WDR86: variants seen among roughly 807,000 people sequenced by gnomAD.
WDR86 encodes WD repeat-containing protein 86.
WDR86 carries 30 observed loss-of-function variants against 36.5 expected under a neutral mutation model. The ratio of observed to expected loss-of-function variants is 0.82; its 90% CI spans 0.61 to 1.11. The LOEUF (loss-of-function observed/expected upper bound fraction) is 1.11, where lower values mean the gene tolerates loss of function less well. WDR86 is among the 50% of genes most tolerant of loss of function. The pLI, the probability that WDR86 is intolerant of heterozygous loss-of-function variation, is 0.00. For synonymous variants in WDR86, 255 were observed against 252.9 expected, an observed-to-expected ratio of 1.01 and a Z score of -0.08; for missense variants, 545 against 561.2, an observed-to-expected ratio of 0.97 and a Z score of 0.29.
At chr7:151,375,942 G>A (rs376679280) in exon 2 of WDR86, 23 of 1,604,456 alleles carry the variant, frequency 1.4e-5, no homozygotes, top group South Asian at 7.7e-5. Context: ...AACATTGACC[G>A]AGTGAGTGAC....
rs59360596 is a variant in WDR86 at position 151,381,201 on chromosome 7, G to A, written c.*381C>T. ...CGATTTGCCAAAATAACCAGGTTCA[G>A]TGGCTTCTGTAAAAAGTCACTTCCT... On this transcript the variant is annotated 3_prime_UTR_variant, in exon 6 of 6. Coordinates refer to ENST00000334493, the MANE Select transcript of WDR86 (RefSeq NM_198285.3). This position sits in a 1 kb window ranked among gnomAD's most constrained non-coding sequence, Gnocchi z 4.8. 14 of 1,264,222 alleles carry A rather than the reference G, an allele frequency of 1.1e-5. No individual in the cohort carries two copies. The highest frequency in any genetic ancestry group is 1.2e-5 in the Non-Finnish European group (12 of 1,008,376). The allele number at this position is 1,264,222 out of a possible 1,614,324, so 78.3% of individuals were successfully genotyped here. A position where few individuals can be genotyped will look rare whatever the true frequency, so the allele number is the denominator to read the frequency against.
chr7:151,387,071 C>T (rs1161308242), intron 3 of WDR86, among the ~76,000 whole-genome samples: 1 of 152,218 alleles, frequency 6.6e-6, no homozygotes, highest in African/African-American at 2.4e-5. Context: ...ACATGGTCAG[C>T]TCCAGAGCCA....
At chr7:151,376,841 G>A, downstream of WDR86, 1 of 1,550,680 alleles carries the variant, frequency 6.4e-7, no homozygotes, top group Non-Finnish European at 8.7e-7. Flanking sequence ...GGGCCGCATT[G>A]AGAGCAAAGT....
chr7:151,404,228 T>TA (rs148524576), intron 1 of WDR86, among the ~76,000 whole-genome samples: 20,488 of 149,972 alleles, frequency 0.14, 1,494 homozygotes, highest in Non-Finnish European at 0.17. Flanking sequence ...AAGGAAGGTT[T>TA]AAAAAAAAAA....
intron 1 of WDR86, chr7:151,408,649 C>A (rs900362030): frequency 6.7e-6 from 2 of 300,656 alleles, no homozygotes; most frequent in Admixed American, 3.9e-5. Context: ...CAGCAGAAAG[C>A]CTCGCGGCTC....
rs562330469 is a variant in WDR86 at position 151,406,682 on chromosome 7, G to A, written c.163+2745C>T. Among the ~76,000 whole-genome samples, 44 of 152,200 alleles carry A rather than the reference G, an allele frequency of 2.9e-4. 3 individuals are homozygous for A. Among genetic ancestry groups the A allele is most frequent in the Admixed American group, 2.7e-3 (42 of 15,298 alleles). On this transcript the variant is annotated intron_variant, in intron 1 of 5. Transcript: ENST00000334493. This position sits in a 1 kb window ranked among gnomAD's most constrained non-coding sequence, Gnocchi z 4.4. ...GGGACCCTGGACAAGTCCTGCCACC[G>A]CACCACGCCTCGAGGGATGTTGGCG...
chr7:151,408,322 G>A (rs1319861925), intron 1 of WDR86, among the ~76,000 whole-genome samples: 2 of 150,542 alleles, frequency 1.3e-5, no homozygotes, highest in African/African-American at 2.4e-5. Flanking sequence ...TCAGCCTCCC[G>A]AGTAGTTGGA....
the WDR86 span, among the ~76,000 whole-genome samples, chr7:151,369,870 G>C: frequency 6.6e-6 from 1 of 152,120 alleles, no homozygotes; most frequent in African/African-American, 2.4e-5. Context: ...CAGCCTCAGG[G>C]GTATTTGGAT....
intron 3 of WDR86, among the ~76,000 whole-genome samples, chr7:151,387,614 G>A (rs1344165935): frequency 1.3e-5 from 2 of 152,106 alleles, no homozygotes; most frequent in Non-Finnish European, 2.9e-5. Flanking sequence ...GCAGAAGCAG[G>A]AGAGGCACCG....
At position 151,409,372 on chromosome 7, in the gene WDR86, G is replaced by T; in HGVS notation, c.163+55C>A. 1 of 1,545,576 alleles carries T rather than the reference G, an allele frequency of 6.5e-7. No homozygotes were observed. Among genetic ancestry groups the T allele is most frequent in the South Asian group, 1.2e-5 (1 of 83,812 alleles). On this transcript the variant is annotated intron_variant, in intron 1 of 5. Transcript: ENST00000334493. This position sits in a 1 kb window ranked among gnomAD's most constrained non-coding sequence, Gnocchi z 5.2. ...GCGGGCGCAGGAGCTGGGGTCCGCG[G>T]TCTGGGGCCGGTGAGCTGCGGCGAA...
At chr7:151,391,230 G>A (rs559227122) in intron 3 of WDR86, among the ~76,000 whole-genome samples, 7 of 152,348 alleles carry the variant, frequency 4.6e-5, no homozygotes, top group African/African-American at 1.7e-4. Flanking sequence ...GCCCAGCGAG[G>A]GCTAGGGGAC....
chr7:151,376,473 C>G, downstream of WDR86: 2 of 695,552 alleles, frequency 2.9e-6, no homozygotes, highest in African/African-American at 1.8e-5. Flanking sequence ...CCAGGTTGCT[C>G]TACGCTCACA....
At chr7:151,402,466 CA>C (rs1325922291) in intron 1 of WDR86, among the ~76,000 whole-genome samples, 1 of 152,188 alleles carries the variant, frequency 6.6e-6, no homozygotes, top group Non-Finnish European at 1.5e-5. Context: ...GGAAGACAGT[CA>C]AGGGCAGCAT....
At chr7:151,376,762 G>A (rs556670832), downstream of WDR86, 104 of 1,594,954 alleles carry the variant, frequency 6.5e-5, no homozygotes, top group Admixed American at 4.1e-4. Context: ...TGCCGCTGTC[G>A]CCAGAAGACT....
intron 2 of WDR86, among the ~76,000 whole-genome samples, chr7:151,397,322 C>T (rs927725180): frequency 1.6e-4 from 25 of 152,234 alleles, no homozygotes; most frequent in Admixed American, 7.8e-4. Flanking sequence ...CCTCACTTCC[C>T]GCAAGCAGCT....
chr7:151,403,969 C>T (rs1393696145), intron 1 of WDR86, among the ~76,000 whole-genome samples: 1 of 152,164 alleles, frequency 6.6e-6, no homozygotes, highest in Non-Finnish European at 1.5e-5. Context: ...CGCATCTCAG[C>T]CCCAGGAAGG....
chr7:151,381,075 A>C (rs1325486167), downstream of WDR86: 8 of 1,109,284 alleles, frequency 7.2e-6, no homozygotes, highest in East Asian at 2.9e-4. The surrounding 1 kb of genome is among the most constrained non-coding windows in gnomAD (Gnocchi z 4.8). Context: ...CAAGCTCCAA[A>C]AAGAAGCTGA....
downstream of WDR86, among the ~76,000 whole-genome samples, chr7:151,378,603 C>T (rs1036985054): frequency 3.3e-5 from 5 of 152,148 alleles, no homozygotes; most frequent in Non-Finnish European, 7.4e-5. Flanking sequence ...AAGCAGAGGG[C>T]ATCTGCTGTG....
Position 151,409,553 on chromosome 7 carries a change from C to T in WDR86, c.37G>A (p.Asp13Asn). ...GGGSALRVCA[D>N]HRGGINWLSL... is the part of the protein sequence containing the mutation. ...AGCCAGTTGATGCCCCCGCGGTGGT[C>T]GGCGCAGACCCTCAGGGCCGACCCG... The change falls in exon 1 of 6, where the codon GAC (aspartate) becomes AAC (asparagine). Residue 13 changes from aspartate to asparagine, a missense_variant. Asp to Asn is a conservative substitution (Grantham distance 23). Coordinates refer to ENST00000334493, the MANE Select transcript of WDR86 (RefSeq NM_198285.3). This position sits in a 1 kb window ranked among gnomAD's most constrained non-coding sequence, Gnocchi z 5.2. 1 of 1,502,332 alleles carries T rather than the reference C, an allele frequency of 6.7e-7. No individual in the cohort carries two copies. The highest frequency in any genetic ancestry group is 1.4e-5 in the African/African-American group (1 of 71,420). The allele number at this position is 1,502,332 out of a possible 1,614,324, so 93.1% of individuals were successfully genotyped here. A position where few individuals can be genotyped will look rare whatever the true frequency, so the allele number is the denominator to read the frequency against.
Sources: gnomAD v4.1 joint callset for allele counts (sites outside exome capture counted in the v4.1 genomes callset) on GRCh38, gnomAD v4.1.1 for gene constraint, Gnocchi (gnomAD v3.1) non-coding constraint, MANE v1.5 for transcripts, NCBI Gene and HGNC (gene_info 2026-07-23, HGNC 2026-07-21) for gene names.